The following QTMAN variants were observed in gnomAD, a reference collection of about 807,000 sequenced individuals.
QTMAN encodes the protein queuosine-tRNA mannosyltransferase.
the QTMAN span, among the ~76,000 whole-genome samples, chr2:144,291,787 C>A: frequency 6.6e-6 from 1 of 152,116 alleles, no homozygotes; most frequent in Admixed American, 6.5e-5. Context: ...TCTTTTCAGT[C>A]CTATTTTTAC....
chr2:144,281,005 C>A, the QTMAN span, among the ~76,000 whole-genome samples: 3 of 150,990 alleles, frequency 2.0e-5, no homozygotes, highest in Admixed American at 6.6e-5. Flanking sequence ...TGTGCTGCAC[C>A]CATTAACTCG....
chr2:144,256,398 CCAT>C, the QTMAN span, among the ~76,000 whole-genome samples: 1 of 152,140 alleles, frequency 6.6e-6, no homozygotes, highest in Non-Finnish European at 1.5e-5. Context: ...TGCAGTTTTA[CCAT>C]ATTACATATA....
chr2:143,974,590 C>T, the QTMAN span, among the ~76,000 whole-genome samples: 1 of 152,084 alleles, frequency 6.6e-6, no homozygotes, highest in Non-Finnish European at 1.5e-5. Flanking sequence ...GTGGCATGAT[C>T]TGTGTAATCT....
chr2:143,947,035 T>C, the QTMAN span: 17 of 1,574,916 alleles, frequency 1.1e-5, no homozygotes, highest in Non-Finnish European at 1.3e-5. Context: ...TGCAAGTTTG[T>C]GACTTAGCCC....
At chr2:144,138,580 G>A in the QTMAN span, among the ~76,000 whole-genome samples, 1 of 152,136 alleles carries the variant, frequency 6.6e-6, no homozygotes, top group African/African-American at 2.4e-5. Context: ...TGGGATGGAT[G>A]AGTTCTGGAA....
At chr2:143,963,215 T>C in the QTMAN span, among the ~76,000 whole-genome samples, 3 of 152,158 alleles carry the variant, frequency 2.0e-5, no homozygotes, top group African/African-American at 7.2e-5. Context: ...AGTAAAAGCC[T>C]AGCCCTGGCT....
the QTMAN span, among the ~76,000 whole-genome samples, chr2:143,970,493 AT>A: frequency 1.3e-5 from 2 of 152,128 alleles, no homozygotes; most frequent in Non-Finnish European, 2.9e-5. Context: ...TTACTTAAGT[AT>A]TTTTTTAATT....
chr2:144,143,671 T>C, the QTMAN span, among the ~76,000 whole-genome samples: 1 of 151,870 alleles, frequency 6.6e-6, no homozygotes, highest in Non-Finnish European at 1.5e-5. Context: ...GAAGCTAATA[T>C]AATAATATAC....
the QTMAN span, among the ~76,000 whole-genome samples, chr2:144,254,460 G>A: frequency 6.6e-6 from 1 of 152,112 alleles, no homozygotes; most frequent in Non-Finnish European, 1.5e-5. Flanking sequence ...AGGAATTAAG[G>A]TTTGGGAACC....
chr2:144,003,788 G>A, the QTMAN span, among the ~76,000 whole-genome samples: 1 of 152,008 alleles, frequency 6.6e-6, no homozygotes, highest in African/African-American at 2.4e-5. Context: ...ACATATTCTA[G>A]CAAGTAGGCT....
the QTMAN span, among the ~76,000 whole-genome samples, chr2:143,988,570 C>T: frequency 6.6e-6 from 1 of 152,234 alleles, no homozygotes. Context: ...TAAATCATTT[C>T]ATCTTTACAA....
At chr2:144,069,828 T>G in the QTMAN span, among the ~76,000 whole-genome samples, 1 of 152,098 alleles carries the variant, frequency 6.6e-6, no homozygotes, top group Non-Finnish European at 1.5e-5. Context: ...TGGACACTTA[T>G]TTTTTGCAGC....
the QTMAN span, among the ~76,000 whole-genome samples, chr2:144,311,521 A>G: frequency 6.6e-6 from 1 of 152,252 alleles, no homozygotes; most frequent in Non-Finnish European, 1.5e-5. Flanking sequence ...GAATTATAAC[A>G]TGGGCAAGCA....
chr2:144,314,339 C>T, the QTMAN span, among the ~76,000 whole-genome samples: 1 of 152,088 alleles, frequency 6.6e-6, no homozygotes, highest in Non-Finnish European at 1.5e-5. Context: ...CAAGAACAGG[C>T]TAACCTAATC....
the QTMAN span, among the ~76,000 whole-genome samples, chr2:144,203,805 T>C: frequency 6.6e-6 from 1 of 152,128 alleles, no homozygotes; most frequent in Non-Finnish European, 1.5e-5. Flanking sequence ...TAATTTACCA[T>C]GTTTTAACTG....
At chr2:144,055,334 G>GACACACACAC in the QTMAN span, among the ~76,000 whole-genome samples, 533 of 132,840 alleles carry the variant, frequency 4.0e-3, 2 homozygotes, top group African/African-American at 6.1e-3. Flanking sequence ...CAGACACACA[G>GACACACACAC]ACACACACAC....
chr2:144,067,634 T>C, the QTMAN span, among the ~76,000 whole-genome samples: 1 of 152,134 alleles, frequency 6.6e-6, no homozygotes, highest in South Asian at 2.1e-4. Context: ...AAGGAAGCAT[T>C]AGGGAGCTGT....
chr2:144,263,995 C>A, the QTMAN span, among the ~76,000 whole-genome samples: 1 of 151,780 alleles, frequency 6.6e-6, no homozygotes, highest in Non-Finnish European at 1.5e-5. Context: ...TAAAAAGATA[C>A]ACTATATAAT....
At chr2:143,999,798 T>A in the QTMAN span, among the ~76,000 whole-genome samples, 1 of 152,174 alleles carries the variant, frequency 6.6e-6, no homozygotes, top group African/African-American at 2.4e-5. Flanking sequence ...TGAAACAGCG[T>A]CTTTTGCAAC....
Sources: allele counts gnomAD v4.1 joint callset (sites outside exome capture counted in the v4.1 genomes callset), GRCh38; gene constraint gnomAD v4.1.1; transcripts MANE v1.5; gene names NCBI Gene and HGNC (gene_info 2026-07-23, HGNC 2026-07-21).